The following TADA2A variants were observed in gnomAD, a reference collection of about 807,000 sequenced individuals.
The protein encoded by TADA2A is transcriptional adaptor 2A.
Under a neutral mutation model 67.4 loss-of-function variants are expected in TADA2A, and 38 were observed. That is an observed-to-expected ratio of 0.56 (90% CI 0.44 to 0.74). TADA2A has a LOEUF of 0.74. TADA2A is among the 30% of genes least tolerant of loss of function. TADA2A has a pLI of 0.00. For missense variants in TADA2A, 454 were observed against 547.0 expected, an observed-to-expected ratio of 0.83 and a Z score of 1.70; for synonymous variants, 192 against 181.6, an observed-to-expected ratio of 1.06 and a Z score of -0.46.
At chr17:37,412,978 A>T (rs12946695) in intron 2 of TADA2A, among the ~76,000 whole-genome samples, 34,665 of 151,686 alleles carry the variant, frequency 0.23, 4,141 homozygotes, top group Middle Eastern at 0.35. Flanking sequence ...CCCAGGCTGG[A>T]GTGCAGTGGC....
intron 7 of TADA2A, among the ~76,000 whole-genome samples, chr17:37,444,058 C>T (rs2053002632): frequency 6.6e-6 from 1 of 151,716 alleles, no homozygotes; most frequent in Non-Finnish European, 1.5e-5. Context: ...GGCAACATGG[C>T]AAAACGCTGT....
intron 11 of TADA2A, among the ~76,000 whole-genome samples, chr17:37,466,776 TTC>T (rs2053672859): frequency 6.6e-6 from 1 of 152,184 alleles, no homozygotes. Flanking sequence ...TCTTCCTTCA[TTC>T]TCTGTTTCAA....
At chr17:37,410,454 G>A (rs1403923370) in intron 1 of TADA2A, among the ~76,000 whole-genome samples, 1 of 151,928 alleles carries the variant, frequency 6.6e-6, no homozygotes, top group Non-Finnish European at 1.5e-5. Flanking sequence ...GGGATTACAG[G>A]CATGAGCCAC....
intron 10 of TADA2A, 68 bp from the exon 11 acceptor site, chr17:37,465,363 A>G: frequency 7.7e-7 from 1 of 1,293,772 alleles, no homozygotes; most frequent in Admixed American, 2.4e-5. Flanking sequence ...TGTAAAAAAA[A>G]AAAAATGCTG....
intron 8 of TADA2A, among the ~76,000 whole-genome samples, chr17:37,448,895 T>C (rs1375295504): frequency 6.6e-6 from 1 of 152,256 alleles, no homozygotes; most frequent in East Asian, 1.9e-4. Flanking sequence ...ATTTTTCAAA[T>C]TGTATTTCTT....
Position 37,437,733 on chromosome 17 carries a change from C to CGAA in TADA2A, c.193-5_193-4insGAA. On this transcript the variant is annotated splice_polypyrimidine_tract_variant and splice_region_variant and intron_variant, in intron 4 of 15. Transcript: ENST00000615182. ...TGTTCTTAAGCAAAACTTTTTTCTC[C>CGAA]TTAGACTTCAGATTTTCCTGTCCTT... 6.2e-7 allele frequency: 1 copy of CGAA among 1,613,820 alleles called. No individual in the cohort carries two copies. Among genetic ancestry groups the CGAA allele is most frequent in the Non-Finnish European group, 8.5e-7 (1 of 1,179,898 alleles).
chr17:37,435,037 G>A (rs181819649), intron 4 of TADA2A, among the ~76,000 whole-genome samples: 7 of 151,962 alleles, frequency 4.6e-5, no homozygotes, highest in South Asian at 2.1e-4. Context: ...ACCTGAGGTC[G>A]GGAGTTCGAG....
intron 8 of TADA2A, among the ~76,000 whole-genome samples, chr17:37,456,903 C>T (rs574228429): frequency 1.3e-5 from 2 of 152,280 alleles, no homozygotes; most frequent in East Asian, 1.9e-4. Flanking sequence ...TTACTATTTA[C>T]AGCCTCTTTC....
intron 2 of TADA2A, among the ~76,000 whole-genome samples, chr17:37,418,886 G>A (rs781737161): frequency 6.7e-6 from 1 of 148,552 alleles, no homozygotes; most frequent in Non-Finnish European, 1.5e-5. Flanking sequence ...ACCGTGCCTG[G>A]CTATTTTTTC....
At chr17:37,436,262 A>C (rs2052723399) in intron 4 of TADA2A, 2 of 152,244 alleles carry the variant, frequency 1.3e-5, no homozygotes, top group Admixed American at 6.5e-5. Context: ...TAAGTGTTTC[A>C]AAATCACTTG....
At chr17:37,466,775 AT>A (rs1035967975) in intron 11 of TADA2A, among the ~76,000 whole-genome samples, 2 of 152,274 alleles carry the variant, frequency 1.3e-5, no homozygotes, top group African/African-American at 4.8e-5. Context: ...CTCTTCCTTC[AT>A]TCTCTGTTTC....
At chr17:37,468,795 T>C (rs1044619507) in intron 12 of TADA2A, among the ~76,000 whole-genome samples, 1 of 152,238 alleles carries the variant, frequency 6.6e-6, no homozygotes, top group Non-Finnish European at 1.5e-5. Context: ...TTCTGTTGTT[T>C]TGCTGTCATT....
chr17:37,455,368 G>T (rs76558226), intron 8 of TADA2A, among the ~76,000 whole-genome samples: 1,183 of 79,392 alleles, frequency 0.015, 8 homozygotes, highest in African/African-American at 0.067. Context: ...TTGTTTTTTT[G>T]TTTGTTTGTT....
At chr17:37,462,148 T>C in intron 10 of TADA2A, 27 bp downstream of exon 10, 1 of 1,446,680 alleles carries the variant, frequency 6.9e-7, no homozygotes, top group Non-Finnish European at 9.5e-7. Context: ...TTCTTTATTT[T>C]ACAATTTTTT....
At chr17:37,435,183 G>A (rs28786493) in intron 4 of TADA2A, among the ~76,000 whole-genome samples, 36,346 of 152,144 alleles carry the variant, frequency 0.24, 4,425 homozygotes, top group Middle Eastern at 0.35. Context: ...TTCAATGAAC[G>A]ATGTTAGGAA....
intron 8 of TADA2A, 32 bp downstream of exon 8, chr17:37,444,800 G>T (rs2053027937): frequency 6.3e-7 from 1 of 1,592,512 alleles, no homozygotes; most frequent in African/African-American, 1.3e-5. Context: ...TGTTTATCGA[G>T]CGCCAACTGT....
Position 37,440,679 on chromosome 17 carries a change from C to T in TADA2A, c.442+17C>T, listed in dbSNP as rs775084774. On this transcript the variant is annotated intron_variant, in intron 6 of 15. Transcript: ENST00000615182. The stretch of plus-strand genomic sequence containing the variant: ...CATTTCACTGTAAGTGCCTCCCTAT[C>T]TTGATAAGATATACTTAGCTCATCC... The T allele has an allele frequency of 6.2e-7, 1 of 1,613,884 alleles. No homozygotes were observed. The highest frequency in any genetic ancestry group is 8.5e-7 in the Non-Finnish European group (1 of 1,179,868).
intron 5 of TADA2A, among the ~76,000 whole-genome samples, chr17:37,439,011 G>A (rs2052816251): frequency 6.6e-6 from 1 of 152,200 alleles, no homozygotes; most frequent in Non-Finnish European, 1.5e-5. Context: ...AAACAGCACA[G>A]TGATGCCTTA....
intron 4 of TADA2A, 39 bp from the exon 5 acceptor site, chr17:37,437,699 T>C: frequency 3.8e-6 from 6 of 1,589,520 alleles, no homozygotes; most frequent in Non-Finnish European, 5.2e-6. Context: ...TAGATTCCAT[T>C]TGTATCTCTG....
Sources: gnomAD v4.1 joint callset for allele counts (sites outside exome capture counted in the v4.1 genomes callset) on GRCh38, gnomAD v4.1.1 for gene constraint, MANE v1.5 for transcripts, NCBI Gene and HGNC (gene_info 2026-07-23, HGNC 2026-07-21) for gene names.